The following RAB4B variants were observed in gnomAD, a reference collection of about 807,000 sequenced individuals.
RAB4B encodes RAB4B, member RAS oncogene family.
RAB4B carries 15 observed loss-of-function variants against 28.3 expected under a neutral mutation model. That is an observed-to-expected ratio of 0.53 (90% CI 0.35 to 0.82). RAB4B has a LOEUF of 0.82. Among genes scored for constraint, RAB4B ranks in the 40% least tolerant of loss-of-function variants. RAB4B has a pLI of 0.01. For synonymous variants in RAB4B, 108 were observed against 116.3 expected (o/e 0.93, Z 0.46); for missense variants, 244 against 288.5 (o/e 0.85, Z 1.12).
At chr19:40,783,265 T>C (rs1374656538) in intron 3 of RAB4B, among the ~76,000 whole-genome samples, 2 of 151,078 alleles carry the variant, frequency 1.3e-5, no homozygotes, top group Non-Finnish European at 2.9e-5. Flanking sequence ...AGCCCCATCT[T>C]TACAAAAAAT....
chr19:40,779,200 G>A (rs2145035063), intron 1 of RAB4B: 1 of 188,562 alleles, frequency 5.3e-6, no homozygotes, highest in East Asian at 1.9e-4. Context: ...AGACTTTAGC[G>A]ACAAAATAGC....
In RAB4B at chr19:40,780,479, G is replaced by A. The variant is rs757226108; in HGVS notation, c.192G>A (p.Thr64=). 6 of 1,613,662 alleles carry A rather than the reference G, an allele frequency of 3.7e-6. No individual in the cohort carries two copies. The highest frequency in any genetic ancestry group is 1.7e-5 in the Admixed American group (1 of 59,888). ...CTGTGAAGCTACAGATTTGGGACAC[G>A]GCTGGCCAGGAGCGGTTTCGGTAGG... The part of the protein sequence containing the change: ...GKTVKLQIWD[T]AGQERFRSVT... Residue 64 remains threonine, a synonymous_variant, in exon 3 of 8, where the codon ACG becomes ACA. Coordinates refer to ENST00000357052, the MANE Select transcript of RAB4B (RefSeq NM_016154.5).
rs771739196 is a variant in RAB4B, at chr19:40,783,838, C to T, written c.273C>T (p.Thr91=). Residue 91 remains threonine, a splice_region_variant and synonymous_variant, in exon 4 of 8, where the codon ACC becomes ACT. Coordinates refer to ENST00000357052, the MANE Select transcript of RAB4B (RefSeq NM_016154.5). Reference sequence around the variant, plus strand: ...GAGCCCTGCTGGTGTACGACATCACCAGGTGGGTGCCCGGGGTGGGTGGGG... The same window carrying T: ...GAGCCCTGCTGGTGTACGACATCACTAGGTGGGTGCCCGGGGTGGGTGGGG... ...AAGALLVYDI[T]SRETYNSLAA... 6.4e-7 allele frequency: 1 copy of T among 1,561,992 alleles called. No individual in the cohort carries two copies. The highest frequency in any genetic ancestry group is 8.7e-7 in the Non-Finnish European group (1 of 1,148,986).
chr19:40,785,851 T>C (rs2083093486), intron 5 of RAB4B: 1 of 154,508 alleles, frequency 6.5e-6, no homozygotes, highest in South Asian at 2.0e-4. Flanking sequence ...TTCCAGACAG[T>C]GACACCTCAG....
At chr19:40,786,423 G>T in intron 5 of RAB4B, 1 of 505,626 alleles carries the variant, frequency 2.0e-6, no homozygotes. Flanking sequence ...ACCTGACTCA[G>T]CCCAGGAAGT....
intron 5 of RAB4B, 34 bp from the exon 6 acceptor site, chr19:40,786,631 T>G: frequency 6.2e-7 from 1 of 1,612,544 alleles, no homozygotes; most frequent in Non-Finnish European, 8.5e-7. Flanking sequence ...GGGGACTAAC[T>G]GGGGCCCTGA....
intron 7 of RAB4B, among the ~76,000 whole-genome samples, chr19:40,788,480 TTAA>T (rs1568494191): frequency 1.3e-4 from 10 of 76,108 alleles, no homozygotes; most frequent in African/African-American, 1.8e-4. Flanking sequence ...AGCGAGACTC[TTAA>T]AAAAAAAAAA....
chr19:40,785,223 G>A (rs1011769707), intron 5 of RAB4B, among the ~76,000 whole-genome samples: 3 of 151,658 alleles, frequency 2.0e-5, no homozygotes, highest in Non-Finnish European at 4.4e-5. Context: ...AGGTTTGCAA[G>A]GGCCAACCAC....
At chr19:40,789,362 C>A (rs1222756656) in intron 7 of RAB4B, among the ~76,000 whole-genome samples, 1 of 151,514 alleles carries the variant, frequency 6.6e-6, no homozygotes, top group Admixed American at 6.6e-5. Context: ...GCCACCACAC[C>A]CAGCTAATTT....
chr19:40,789,054 AC>A (rs1229674607), intron 7 of RAB4B, among the ~76,000 whole-genome samples: 1 of 151,822 alleles, frequency 6.6e-6, no homozygotes, highest in East Asian at 1.9e-4. Context: ...TGCCGGGATT[AC>A]AGTGTGAGCC....
intron 7 of RAB4B, among the ~76,000 whole-genome samples, chr19:40,792,008 T>C (rs1466816803): frequency 6.6e-6 from 1 of 152,230 alleles, no homozygotes; most frequent in Non-Finnish European, 1.5e-5. Flanking sequence ...TGTGTATGTC[T>C]TGCCAGTTCT....
At position 40,780,110 on chromosome 19, in the gene RAB4B, C is replaced by T. The variant is rs754939466; in HGVS notation, c.97+11C>T. 32 of 1,613,224 alleles carry T rather than the reference C, an allele frequency of 2.0e-5. No homozygotes were observed. The East Asian group carries it at 2.7e-4, about 13-fold the overall frequency. Reference sequence around the variant, plus strand: ...TCATTGAGAATAAGTGTGAGTTTCCCGCAGTGGTCCTGGGAACCCTGAGCT... The same window carrying T: ...TCATTGAGAATAAGTGTGAGTTTCCTGCAGTGGTCCTGGGAACCCTGAGCT... On this transcript the variant is annotated intron_variant, in intron 2 of 7. Transcript: ENST00000357052.
At position 40,783,899 on chromosome 19, in the gene RAB4B, C is replaced by T. The variant is rs1477644825; in HGVS notation, c.276-22C>T. 5.7e-6 allele frequency: 9 copies of T among 1,592,052 alleles called. No homozygotes were observed. In the Admixed American group the frequency reaches 1.4e-4, roughly 24 times the overall value. ...GTGGTTCCTCTCCTGCACTGCCTCC[C>T]TCCCTTCTCCCTTCTCCACAGCCGG... is the stretch of plus-strand genomic sequence containing the variant. On this transcript the variant is annotated intron_variant, in intron 4 of 7. Coordinates refer to ENST00000357052, the MANE Select transcript of RAB4B (RefSeq NM_016154.5).
intron 3 of RAB4B, among the ~76,000 whole-genome samples, chr19:40,781,255 C>G (rs904421402): frequency 6.6e-6 from 1 of 150,482 alleles, no homozygotes; most frequent in Admixed American, 6.7e-5. Context: ...CCACTGCACC[C>G]CAGCCGGGGT....
rs187544527 is a variant in RAB4B at position 40,779,929 on chromosome 19, T to C, written c.17-90T>C. 2.9e-3 allele frequency: 4,646 copies of C among 1,606,064 alleles called. 14 individuals are homozygous for C. Among genetic ancestry groups the C allele is most frequent in the Middle Eastern group, 9.8e-3 (59 of 6,046 alleles). ...GTTTCTCTCCCTCTAACTGTGATGG[T>C]TAGAGAGAGAGATTGGATTGGAATC... is the stretch of plus-strand genomic sequence containing the variant. On this transcript the variant is annotated intron_variant, in intron 1 of 7. Coordinates refer to ENST00000357052, the MANE Select transcript of RAB4B (RefSeq NM_016154.5).
chr19:40,782,902 G>A (rs931761621), intron 3 of RAB4B, among the ~76,000 whole-genome samples: 1 of 152,136 alleles, frequency 6.6e-6, no homozygotes, highest in Non-Finnish European at 1.5e-5. Context: ...ACTTTGGGAG[G>A]CCAAGGTGGG....
rs1599744758 is a variant in RAB4B, at chr19:40,786,861, G to A, written c.540G>A (p.Pro180=). The A allele has an allele frequency of 4.3e-6, 7 of 1,614,120 alleles. No individual in the cohort carries two copies. Among genetic ancestry groups the A allele is most frequent in the African/African-American group, 1.3e-5 (1 of 75,034 alleles). ...CCTTCCCCACAGGCGAGCTAGACCC[G>A]GAGAGGATGGGCTCTGGCATTCAGT... ...LNKIDSGELD[P]ERMGSGIQYG... is the part of the protein sequence containing the mutation. Residue 180 remains proline (P), a synonymous_variant, in exon 7 of 8, where the codon CCG becomes CCA. Transcript: ENST00000357052.
intron 1 of RAB4B, 98 bp downstream of exon 1, chr19:40,778,489 T>G: frequency 8.0e-7 from 1 of 1,247,904 alleles, no homozygotes; most frequent in South Asian, 1.8e-5. Flanking sequence ...GGGCGGGGTC[T>G]GGTGTGATGG....
At chr19:40,781,846 C>T (rs1393554512) in intron 3 of RAB4B, among the ~76,000 whole-genome samples, 1 of 151,826 alleles carries the variant, frequency 6.6e-6, no homozygotes, top group African/African-American at 2.4e-5. Flanking sequence ...ATGGTGAAAC[C>T]CCGTCTCTAC....
Sources: gnomAD v4.1 joint callset for allele counts (sites outside exome capture counted in the v4.1 genomes callset) on GRCh38, gnomAD v4.1.1 for gene constraint, MANE v1.5 for transcripts, NCBI Gene and HGNC (gene_info 2026-07-23, HGNC 2026-07-21) for gene names.